Variants in NBPF3 observed in about 807,000 individuals in gnomAD.
NBPF3 encodes NBPF member 3.
A neutral mutation model predicts 78.1 loss-of-function variants in NBPF3; 57 were observed. That is an observed-to-expected ratio of 0.73 (90% CI 0.59 to 0.91). The LOEUF (loss-of-function observed/expected upper bound fraction) is 0.91. Ranked by LOEUF, NBPF3 falls within the 40% of genes least tolerant of loss-of-function variation. The probability of loss-of-function intolerance (pLI) is 0.00; values close to 1 mark genes in which losing one functional copy is unlikely to be tolerated. For missense variants in NBPF3, 510 were observed against 715.3 expected (o/e 0.71, Z 3.27); for synonymous variants, 182 against 271.7 (o/e 0.67, Z 3.25).
At chr1:21,479,186 C>A (rs184276306) in intron 9 of NBPF3, among the ~76,000 whole-genome samples, 163 bp from the exon 10 acceptor site, 1 of 152,262 alleles carries the variant, frequency 6.6e-6, no homozygotes, top group African/African-American at 2.4e-5. Context: ...CAAGTCAGTT[C>A]TCTCAAGACT....
At position 21,473,565 on chromosome 1, in the gene NBPF3, A is replaced by T. The variant is rs760805949; in HGVS notation, c.920A>T (p.Asp307Val). ...TCATCCTCTCATGATGAATGGTTGG[A>T]TGCTGTATGCATTATCCCAGGTAGC... ...IDSSSHDEWL[D>V]AVCIIPENES... Residue 307 changes from aspartate to valine, a missense_variant, in exon 7 of 15, where the codon GAT (aspartate) becomes GTT (valine). Coordinates refer to ENST00000318249, the MANE Select transcript of NBPF3 (RefSeq NM_032264.6). The T allele has an allele frequency of 8.1e-6, 13 of 1,614,006 alleles. No individual in the cohort carries two copies. In the African/African-American group the frequency reaches 1.2e-4, roughly 15 times the overall value.
In NBPF3 at chr1:21,440,167, A is replaced by G. The variant is rs1273415734; in HGVS notation, c.-321A>G. ...CGAGGGGTTGGGTGGCGGTTGAGACAGCGGCGGTACTGGGATGGGTAGGTG... is the reference window on the plus strand; with the variant it reads ...CGAGGGGTTGGGTGGCGGTTGAGACGGCGGCGGTACTGGGATGGGTAGGTG... On this transcript the variant is annotated 5_prime_UTR_variant, in exon 1 of 15. Transcript: ENST00000318249. 2.0e-5 allele frequency: 3 copies of G among 152,338 alleles called. No homozygotes were observed. Among genetic ancestry groups the G allele is most frequent in the African/African-American group, 4.8e-5 (2 of 41,434 alleles). The allele number at this position is 152,338 out of a possible 1,614,324, so 9.4% of individuals were successfully genotyped here. A position where few individuals can be genotyped will look rare whatever the true frequency, so the allele number is the denominator to read the frequency against.
Position 21,453,140 on chromosome 1 carries a change from A to T in NBPF3, c.133+7921A>T, listed in dbSNP as rs542238910. ...GCCACTCGGGGCTCGTCCCTTCTAG[A>T]ATGCATTCCTGGCTCCCCTGCATGC... is the stretch of plus-strand genomic sequence containing the variant. On this transcript the variant is annotated intron_variant, in intron 2 of 14. Coordinates refer to ENST00000318249, the MANE Select transcript of NBPF3 (RefSeq NM_032264.6). Among the ~76,000 whole-genome samples the T allele has an allele frequency of 2.6e-5, 4 of 152,158 alleles. No individual in the cohort carries two copies. In the East Asian group the frequency reaches 7.7e-4, roughly 29 times the overall value.
Position 21,478,172 on chromosome 1 carries a change from G to GC in NBPF3, c.1027dup (p.Gln343ProfsTer6). 1.9e-6 allele frequency: 3 copies of GC among 1,614,090 alleles called. No homozygotes were observed. Among genetic ancestry groups the GC allele is most frequent in the African/African-American group, 2.7e-5 (2 of 75,040 alleles). Reference sequence around the variant, plus strand: ...TCTGCAGGAGTCTGAAGAGGAGGAAGCCCCCCAGGAGTCCTGGGATGAAGG... The same window carrying GC: ...TCTGCAGGAGTCTGAAGAGGAGGAAGCCCCCCCAGGAGTCCTGGGATGAAGG... On this transcript the variant is annotated frameshift_variant, in exon 9 of 15. Coordinates refer to ENST00000318249, the MANE Select transcript of NBPF3 (RefSeq NM_032264.6). LOFTEE classifies it high-confidence loss of function.
intron 6 of NBPF3, 55 bp downstream of exon 6, chr1:21,472,970 A>G: frequency 1.5e-6 from 2 of 1,307,014 alleles, no homozygotes; most frequent in Non-Finnish European, 2.2e-6. Flanking sequence ...AAAAAGGTCT[A>G]GGAGGCACAC....
At chr1:21,461,181 C>G (rs542926404) in intron 2 of NBPF3, among the ~76,000 whole-genome samples, 1 of 152,244 alleles carries the variant, frequency 6.6e-6, no homozygotes, top group East Asian at 1.9e-4. Flanking sequence ...CATTTTCTTC[C>G]CATTCACCAA....
At position 21,473,404 on chromosome 1, in the gene NBPF3, G is replaced by A. The variant is rs1434410780; in HGVS notation, c.759G>A (p.Lys253=). Residue 253 remains lysine (K), a synonymous_variant, in exon 7 of 15, where the codon AAG becomes AAA. Coordinates refer to ENST00000318249, the MANE Select transcript of NBPF3 (RefSeq NM_032264.6). ...APREVQKAEE[K]EVPEDSLEEC... ...GGGAGGTGCAGAAGGCTGAAGAAAAGGAAGTCCCTGAGGACTCACTGGAGG... is the reference window on the plus strand; with the variant it reads ...GGGAGGTGCAGAAGGCTGAAGAAAAAGAAGTCCCTGAGGACTCACTGGAGG... The A allele has an allele frequency of 6.2e-7, 1 of 1,614,006 alleles. No homozygotes were observed. The highest frequency in any genetic ancestry group is 8.5e-7 in the Non-Finnish European group (1 of 1,179,996).
intron 2 of NBPF3, among the ~76,000 whole-genome samples, chr1:21,463,797 T>G (rs1192005437): frequency 6.6e-6 from 1 of 152,116 alleles, no homozygotes; most frequent in Non-Finnish European, 1.5e-5. Context: ...AAAAAAGCTG[T>G]GAGTAGAGGT....
intron 1 of NBPF3, among the ~76,000 whole-genome samples, chr1:21,440,581 C>T (rs1640577903): frequency 6.6e-6 from 1 of 152,130 alleles, no homozygotes; most frequent in African/African-American, 2.4e-5. Flanking sequence ...AACTCGCTGG[C>T]GGGTGTTCTG....
rs12563420 is a variant in NBPF3, at chr1:21,460,445, G to T, written c.134-8243G>T. ...TGTGTCCAAGTGTTCTCATTGTTCAGTTCCCATCCATGAGTGAGAACGTGC... is the reference window on the plus strand; with the variant it reads ...TGTGTCCAAGTGTTCTCATTGTTCATTTCCCATCCATGAGTGAGAACGTGC... On this transcript the variant is annotated intron_variant, in intron 2 of 14. Coordinates refer to ENST00000318249, the MANE Select transcript of NBPF3 (RefSeq NM_032264.6). This position sits in a 1 kb window ranked among gnomAD's most constrained non-coding sequence, Gnocchi z 4.2. 6.6e-6 allele frequency among the ~76,000 whole-genome samples: 1 copy of T among 151,968 alleles called. No homozygotes were observed. Among genetic ancestry groups the T allele is most frequent in the Non-Finnish European group, 1.5e-5 (1 of 68,012 alleles).
rs572153130 is a variant in NBPF3 at position 21,464,125 on chromosome 1, A to T, written c.134-4563A>T. The stretch of plus-strand genomic sequence containing the variant: ...GCAGCAATTGCACTCCTAGGTTTAT[A>T]ACCAAGAAAATGAAAAACAGGTGTT... On this transcript the variant is annotated intron_variant, in intron 2 of 14. Transcript: ENST00000318249. Among the ~76,000 whole-genome samples the T allele has an allele frequency of 2.0e-5, 3 of 152,358 alleles. No homozygotes were observed. In the South Asian group the frequency reaches 6.2e-4, roughly 32 times the overall value.
chr1:21,453,828 T>C (rs1404249530), intron 2 of NBPF3: 1 of 152,112 alleles, frequency 6.6e-6, no homozygotes, highest in East Asian at 1.9e-4. Flanking sequence ...TGAGGGAAGA[T>C]TGGATCCCTT....
chr1:21,438,867 C>T (rs1640489139), upstream of NBPF3, among the ~76,000 whole-genome samples: 1 of 152,196 alleles, frequency 6.6e-6, no homozygotes, highest in Non-Finnish European at 1.5e-5. Context: ...TATCTGTTCT[C>T]CTGGCCCAGA....
intron 7 of NBPF3, among the ~76,000 whole-genome samples, chr1:21,473,849 C>T (rs1251219917): frequency 3.3e-5 from 5 of 152,180 alleles, no homozygotes; most frequent in Admixed American, 3.3e-4. Context: ...ATCTGTGAGG[C>T]CTCGTACCTT....
Position 21,479,380 on chromosome 1 carries a change from C to G in NBPF3, c.1188C>G (p.Asp396Glu), listed in dbSNP as rs773943645. The G allele has an allele frequency of 3.1e-6, 5 of 1,611,082 alleles. No individual in the cohort carries two copies. Among genetic ancestry groups the G allele is most frequent in the African/African-American group, 1.3e-5 (1 of 74,860 alleles). ...GGTGTGATCAAGTGAAAAAGGAGGA[C>G]CAAGAGGCCACAAGTCCCAGGTGAG... ...RHWCDQVKKE[D>E]QEATSPRLSR... The change falls in exon 10 of 15, where the codon GAC (aspartate) becomes GAG (glutamate). Residue 396 changes from aspartate (D) to glutamate (E), a missense_variant. Coordinates refer to ENST00000318249, the MANE Select transcript of NBPF3 (RefSeq NM_032264.6).
At chr1:21,475,097 T>A in intron 8 of NBPF3, 146 bp downstream of exon 8, 2 of 703,578 alleles carry the variant, frequency 2.8e-6, no homozygotes, top group Non-Finnish European at 4.8e-6. Flanking sequence ...GTACATTATT[T>A]GTGGCCCTTG....
At position 21,483,339 on chromosome 1, in the gene NBPF3, A is replaced by G; in HGVS notation, c.1855A>G (p.Ile619Val). Reference protein sequence around the residue: ...VDNRFFTLTVIRHHLAFQMGV... With the variant: ...VDNRFFTLTVVRHHLAFQMGV... ...CAATAGGTTTTTTACTTTGACAGTG[A>G]TAAGGCACCACCTGGCCTTCCAGAT... is the stretch of plus-strand genomic sequence containing the variant. Residue 619 changes from isoleucine (I) to valine (V), a missense_variant, in exon 15 of 15, where the codon ATA (isoleucine) becomes GTA (valine). Physicochemically the swap from Ile to Val is conservative, Grantham distance 29. Transcript: ENST00000318249. The G allele has an allele frequency of 9.0e-7, 1 of 1,111,950 alleles. No individual in the cohort carries two copies. Among genetic ancestry groups the G allele is most frequent in the Non-Finnish European group, 1.3e-6 (1 of 797,330 alleles). 68.9% of individuals were successfully genotyped at this position (1,111,950 alleles called of 1,614,324 possible). A position where few individuals can be genotyped will look rare whatever the true frequency, so the allele number is the denominator to read the frequency against.
intron 2 of NBPF3, among the ~76,000 whole-genome samples, chr1:21,446,803 G>T (rs1027911164): frequency 6.6e-6 from 1 of 151,930 alleles, no homozygotes; most frequent in Non-Finnish European, 1.5e-5. Context: ...TGCCACTGGG[G>T]CAGCTGCTGA....
Position 21,467,068 on chromosome 1 carries a change from A to G in NBPF3, c.134-1620A>G, listed in dbSNP as rs1433594571. 5.1e-6 allele frequency: 5 copies of G among 984,300 alleles called. No individual in the cohort carries two copies. In the Admixed American group the frequency reaches 1.8e-4, roughly 36 times the overall value. The allele number at this position is 984,300 out of a possible 1,614,324, so 61.0% of individuals were successfully genotyped here. On this transcript the variant is annotated intron_variant, in intron 2 of 14. Coordinates refer to ENST00000318249, the MANE Select transcript of NBPF3 (RefSeq NM_032264.6). ...GTGAACCTGCAGTTTTATCATTTTT[A>G]AAATAAAGAAACATGACAGATTTTC... is the stretch of plus-strand genomic sequence containing the variant.
Sources: allele counts gnomAD v4.1 joint callset (sites outside exome capture counted in the v4.1 genomes callset), GRCh38; gene constraint gnomAD v4.1.1; non-coding constraint Gnocchi (gnomAD v3.1); transcripts MANE v1.5; gene names NCBI Gene and HGNC (gene_info 2026-07-23, HGNC 2026-07-21).